DAB1: variants seen among roughly 807,000 people sequenced by gnomAD.
DAB1 encodes the protein disabled homolog 1.
Under a neutral mutation model 64.6 loss-of-function variants are expected in DAB1, and 15 were observed. The observed-to-expected ratio is 0.23, with a 90% CI of 0.16 to 0.36. The LOEUF (loss-of-function observed/expected upper bound fraction) is 0.36, where lower values mean the gene tolerates loss of function less well. Among genes scored for constraint, DAB1 ranks in the 10% least tolerant of loss-of-function variants. The probability of loss-of-function intolerance (pLI) is 1.00; values close to 1 mark genes in which losing one functional copy is unlikely to be tolerated. For synonymous variants in DAB1, 235 were observed against 251.9 expected (o/e 0.93, Z 0.64); for missense variants, 596 against 706.7 (o/e 0.84, Z 1.78).
At chr1:57,632,072 A>G (rs1645996770) in intron 7 of DAB1, among the ~76,000 whole-genome samples, 3 of 152,364 alleles carry the variant, frequency 2.0e-5, no homozygotes, top group East Asian at 1.9e-4. Flanking sequence ...TGTCTGAGGT[A>G]TATGGGATTT....
At chr1:57,398,639 G>A (rs981014294) in intron 1 of DAB1, among the ~76,000 whole-genome samples, 2 of 152,134 alleles carry the variant, frequency 1.3e-5, no homozygotes, top group African/African-American at 4.8e-5. Flanking sequence ...TTTTAAAAAT[G>A]TATTTCTTTC....
intron 7 of DAB1, among the ~76,000 whole-genome samples, chr1:57,584,466 T>G (rs1229522873): frequency 6.6e-6 from 1 of 152,206 alleles, no homozygotes; most frequent in African/African-American, 2.4e-5. Context: ...AATAGTGTGC[T>G]CCTTCCATAG....
intron 2 of DAB1, among the ~76,000 whole-genome samples, chr1:57,161,730 G>A (rs1217156169): frequency 6.6e-6 from 1 of 151,580 alleles, no homozygotes; most frequent in Non-Finnish European, 1.5e-5. Context: ...GGAAAGTGTA[G>A]AAGAGAAAAA....
intron 7 of DAB1, among the ~76,000 whole-genome samples, chr1:57,631,505 T>C (rs149101981): frequency 5.8e-4 from 89 of 152,382 alleles, no homozygotes; most frequent in African/African-American, 2.1e-3. Flanking sequence ...ATTTAGTTTA[T>C]GGTTTGAATA....
chr1:58,358,963 C>CACACACACAT (rs1245082674), intron 3 of DAB1, among the ~76,000 whole-genome samples: 1 of 148,188 alleles, frequency 6.7e-6, no homozygotes, highest in African/African-American at 2.5e-5. Flanking sequence ...AACACACACA[C>CACACACACAT]ACACACACAC....
At chr1:58,409,537 C>T (rs906009333) in intron 3 of DAB1, among the ~76,000 whole-genome samples, 15 of 152,172 alleles carry the variant, frequency 9.9e-5, no homozygotes, top group African/African-American at 3.4e-4. Context: ...TGCATCCAAA[C>T]AGAGGCCGGA....
chr1:58,455,958 C>A (rs1248256651), intron 3 of DAB1, among the ~76,000 whole-genome samples: 1 of 152,226 alleles, frequency 6.6e-6, no homozygotes, highest in East Asian at 1.9e-4. Flanking sequence ...CAGCCCAGAG[C>A]AGGGCCCTGG....
chr1:58,239,301 C>T (rs1204875910), intron 4 of DAB1, among the ~76,000 whole-genome samples: 2 of 152,188 alleles, frequency 1.3e-5, no homozygotes, highest in African/African-American at 2.4e-5. Context: ...CTAAATTCTT[C>T]AATCAAATTT....
chr1:58,208,114 C>T (rs560051162), intron 4 of DAB1, among the ~76,000 whole-genome samples: 1 of 152,218 alleles, frequency 6.6e-6, no homozygotes, highest in South Asian at 2.1e-4. Flanking sequence ...ATAGAGGTAA[C>T]TGCCCCCATG....
intron 5 of DAB1, among the ~76,000 whole-genome samples, chr1:57,936,322 T>G (rs1349674439): frequency 6.6e-6 from 1 of 152,234 alleles, no homozygotes; most frequent in Non-Finnish European, 1.5e-5. Flanking sequence ...CAAGACACCA[T>G]CAGTTGTTGC....
chr1:57,914,520 A>G (rs1461607820), intron 5 of DAB1, among the ~76,000 whole-genome samples: 2 of 152,150 alleles, frequency 1.3e-5, no homozygotes, highest in Admixed American at 6.5e-5. Flanking sequence ...ATGTATACAT[A>G]TGTAACAAAC....
chr1:57,720,637 GTGT>G (rs1408256231), intron 6 of DAB1, among the ~76,000 whole-genome samples: 2 of 152,204 alleles, frequency 1.3e-5, no homozygotes, highest in African/African-American at 4.8e-5. Context: ...TCACCTAATA[GTGT>G]TGTAGTGAGG....
At chr1:56,998,485 C>T (rs548252984) in intron 14 of DAB1, among the ~76,000 whole-genome samples, 7 of 152,114 alleles carry the variant, frequency 4.6e-5, no homozygotes, top group Admixed American at 6.5e-5. Context: ...GTTTATCCTA[C>T]GGGGTTCTTG....
At position 58,141,710 on chromosome 1, in the gene DAB1, G is replaced by T. The variant is rs181724126; in HGVS notation, n.387+8801C>A. Among the ~76,000 whole-genome samples, 49 of 152,018 alleles carry T rather than the reference G, an allele frequency of 3.2e-4. 1 individual carries two copies. The highest frequency in any genetic ancestry group is 3.2e-3 in the Admixed American group (49 of 15,278). On this transcript the variant is annotated intron_variant and non_coding_transcript_variant, in intron 5 of 20. Coordinates refer to the DAB1 transcript ENST00000485760. ...GCATGGGGACAAATACCCAAACTAC[G>T]TCATTTCCCAAAGGAAGTGACAGCT...
chr1:57,419,603 C>T (rs1684750229), intron 1 of DAB1, among the ~76,000 whole-genome samples: 1 of 150,996 alleles, frequency 6.6e-6, no homozygotes, highest in South Asian at 2.1e-4. Context: ...TGATGGAAAA[C>T]TTTTTCATTA....
intron 3 of DAB1, among the ~76,000 whole-genome samples, chr1:57,144,419 G>A (rs1658909490): frequency 6.6e-6 from 1 of 151,808 alleles, no homozygotes; most frequent in South Asian, 2.1e-4. Context: ...TTTCTGGCCG[G>A]GCACAGTGGC....
intron 4 of DAB1, among the ~76,000 whole-genome samples, chr1:58,174,421 T>C (rs1656347474): frequency 6.6e-6 from 1 of 152,164 alleles, no homozygotes; most frequent in African/African-American, 2.4e-5. Context: ...TGAGCTCAAA[T>C]AACAACTTCT....
chr1:57,984,835 G>C (rs950333639), intron 5 of DAB1, among the ~76,000 whole-genome samples: 1 of 152,126 alleles, frequency 6.6e-6, no homozygotes, highest in African/African-American at 2.4e-5. Context: ...CAATAAAGGG[G>C]CTTTGGAAAC....
chr1:58,117,078 A>G (rs1326635591), intron 5 of DAB1, among the ~76,000 whole-genome samples: 1 of 152,210 alleles, frequency 6.6e-6, no homozygotes, highest in Non-Finnish European at 1.5e-5. Context: ...ATTGGTGAAT[A>G]TTAATAGCTC....
Sources: allele counts gnomAD v4.1 joint callset (sites outside exome capture counted in the v4.1 genomes callset), GRCh38; gene constraint gnomAD v4.1.1; transcripts MANE v1.5; gene names NCBI Gene and HGNC (gene_info 2026-07-23, HGNC 2026-07-21).